Variants in CMKLR1 observed in about 807,000 individuals in gnomAD.
CMKLR1 encodes chemerin-like receptor 1.
In CMKLR1, 6 loss-of-function variants were observed where a neutral mutation model predicts 8.2. That is an observed-to-expected ratio of 0.73 (90% CI 0.40 to 1.44). The LOEUF is 1.44. Ranked by LOEUF, CMKLR1 falls within the 40% of genes most tolerant of loss-of-function variation. The pLI, the probability that CMKLR1 is intolerant of heterozygous loss-of-function variation, is 0.02. For missense variants in CMKLR1, 429 were observed against 478.0 expected (o/e 0.90, Z 0.96); for synonymous variants, 178 against 181.2 (o/e 0.98, Z 0.14).
intron 1 of CMKLR1, among the ~76,000 whole-genome samples, chr12:108,334,103 C>G (rs1475113010): frequency 6.6e-6 from 1 of 152,282 alleles, no homozygotes; most frequent in Non-Finnish European, 1.5e-5. Flanking sequence ...CGTAACCAAT[C>G]AGGGCCTCAC....
chr12:108,299,662 G>A lies in CMKLR1; in HGVS notation c.-73-5998C>T, dbSNP rs1891216793. Among the ~76,000 whole-genome samples, 3 of 152,140 alleles carry A rather than the reference G, an allele frequency of 2.0e-5. No homozygotes were observed. In the South Asian group the frequency reaches 6.2e-4, roughly 32 times the overall value. ...TCACCGTATAAGAGGAAAAGCAGGG[G>A]GAAGATTTCACATGGACACAGAACA... On this transcript the variant is annotated intron_variant, in intron 2 of 3. Coordinates refer to ENST00000550402, the MANE Select transcript of CMKLR1 (RefSeq NM_001142343.2).
chr12:108,333,321 T>C (rs540731951), intron 1 of CMKLR1, among the ~76,000 whole-genome samples: 1 of 152,164 alleles, frequency 6.6e-6, no homozygotes, highest in East Asian at 1.9e-4. Context: ...CTTCCAACAT[T>C]GCCAGAGACT....
chr12:108,294,059 G>A (rs748316723), intron 2 of CMKLR1, among the ~76,000 whole-genome samples: 1 of 152,256 alleles, frequency 6.6e-6, no homozygotes, highest in Non-Finnish European at 1.5e-5. Context: ...TTTAGGAAGT[G>A]TGAGCACAGA....
chr12:108,311,593 T>TCCA (rs762451834), intron 2 of CMKLR1, among the ~76,000 whole-genome samples: 6 of 152,170 alleles, frequency 3.9e-5, no homozygotes, highest in Admixed American at 6.6e-5. Context: ...ACCACTGCGC[T>TCCA]CCAGCCTGGG....
Position 108,336,362 on chromosome 12 carries a change from C to T in CMKLR1, c.-287+2665G>A, listed in dbSNP as rs191142294. Among the ~76,000 whole-genome samples, 463 of 152,100 alleles carry T rather than the reference C, an allele frequency of 3.0e-3. 1 individual carries two copies. The highest frequency in any genetic ancestry group is 4.5e-3 in the Non-Finnish European group (308 of 68,002). ...GAGATTGAGACCATCCTGGCTAATA[C>T]GGTGAAACCCCGTCTCTACTAAAAA... On this transcript the variant is annotated intron_variant, in intron 1 of 3. Transcript: ENST00000550402.
At chr12:108,325,715 C>G (rs10861892) in intron 2 of CMKLR1, among the ~76,000 whole-genome samples, 1 of 152,112 alleles carries the variant, frequency 6.6e-6, no homozygotes, top group African/African-American at 2.4e-5. Flanking sequence ...GCCAAGCCAC[C>G]GAATTCCAGA....
intron 2 of CMKLR1, among the ~76,000 whole-genome samples, chr12:108,312,303 T>C (rs538723537): frequency 7.4e-4 from 112 of 152,336 alleles, no homozygotes; most frequent in African/African-American, 2.5e-3. Context: ...TTTCCAAGCA[T>C]CGTGGATGGG....
At position 108,302,461 on chromosome 12, in the gene CMKLR1, G is replaced by A. The variant is rs534973416; in HGVS notation, c.-73-8797C>T. 1.1e-4 allele frequency among the ~76,000 whole-genome samples: 16 copies of A among 152,362 alleles called. No homozygotes were observed. In the South Asian group the frequency reaches 3.3e-3, roughly 32 times the overall value. On this transcript the variant is annotated intron_variant, in intron 2 of 3. Transcript: ENST00000550402. ...CTGGCAAAAGTGATTTATTAAGGAA[G>A]CATTTCAGGAAAAACTGGTGAGGGA...
chr12:108,326,395 T>C (rs768473630), intron 2 of CMKLR1, among the ~76,000 whole-genome samples: 2 of 152,238 alleles, frequency 1.3e-5, no homozygotes, highest in Non-Finnish European at 1.5e-5. Flanking sequence ...TCCAGCAAGC[T>C]ATCATCAGTT....
In CMKLR1 at chr12:108,289,186, C is replaced by G. The variant is rs1311311619; in HGVS notation, c.*2655G>C. The G allele has an allele frequency of 6.6e-6, 1 of 152,354 alleles. No homozygotes were observed. Among genetic ancestry groups the G allele is most frequent in the African/African-American group, 2.4e-5 (1 of 41,444 alleles). 9.4% of individuals were successfully genotyped at this position (152,354 alleles called of 1,614,324 possible). On this transcript the variant is annotated 3_prime_UTR_variant, in exon 4 of 4. Coordinates refer to ENST00000550402, the MANE Select transcript of CMKLR1 (RefSeq NM_001142343.2). ...ACGATCCCTCAGCTCCCCCACCCCA[C>G]CCAGGAGGCAGGGCTAAGTAAGGCC... is the stretch of plus-strand genomic sequence containing the variant.
intron 2 of CMKLR1, among the ~76,000 whole-genome samples, chr12:108,299,304 T>G (rs1211904984): frequency 6.6e-6 from 1 of 152,200 alleles, no homozygotes; most frequent in Non-Finnish European, 1.5e-5. Flanking sequence ...CAACTGAAAC[T>G]TCTCTTGACC....
intron 1 of CMKLR1, among the ~76,000 whole-genome samples, chr12:108,336,074 A>C (rs1214630584): frequency 2.0e-5 from 3 of 152,246 alleles, no homozygotes; most frequent in Non-Finnish European, 4.4e-5. Flanking sequence ...CTTATTGTGC[A>C]GCAAAGAACC....
intron 2 of CMKLR1, among the ~76,000 whole-genome samples, chr12:108,310,754 T>C (rs1004750000): frequency 1.3e-5 from 2 of 152,110 alleles, no homozygotes; most frequent in Admixed American, 6.5e-5. Flanking sequence ...CCGGAGTCCA[T>C]GATGCCACAG....
At chr12:108,316,381 C>T (rs1160663016) in intron 2 of CMKLR1, among the ~76,000 whole-genome samples, 1 of 151,914 alleles carries the variant, frequency 6.6e-6, no homozygotes, top group African/African-American at 2.4e-5. Context: ...ACCTCCTCAA[C>T]GTAGACAGAA....
intron 3 of CMKLR1, 94 bp downstream of exon 3, chr12:108,293,495 A>T: frequency 7.2e-7 from 1 of 1,381,972 alleles, no homozygotes; most frequent in Non-Finnish European, 1.0e-6. Context: ...TGCTTCTAAA[A>T]CCAAGTGGAC....
At chr12:108,299,451 G>A (rs775675046) in intron 2 of CMKLR1, among the ~76,000 whole-genome samples, 18 of 152,094 alleles carry the variant, frequency 1.2e-4, no homozygotes, top group Non-Finnish European at 2.6e-4. Context: ...TTTCTAGGAA[G>A]CATCCCCTCT....
chr12:108,304,374 C>T (rs1891353486), intron 2 of CMKLR1, among the ~76,000 whole-genome samples: 1 of 152,210 alleles, frequency 6.6e-6, no homozygotes, highest in Non-Finnish European at 1.5e-5. Context: ...GCTCAGTGTA[C>T]AGCAGGGCCG....
At position 108,291,820 on chromosome 12, in the gene CMKLR1, T is replaced by A. The variant is rs1166659062; in HGVS notation, c.*21A>T. On this transcript the variant is annotated 3_prime_UTR_variant, in exon 4 of 4. Coordinates refer to ENST00000550402, the MANE Select transcript of CMKLR1 (RefSeq NM_001142343.2). ...GTGTCCCTGGGTTGAGAGAGTCCAT[T>A]GAGGGGTTCCACAGTGAGGATCAAA... 6 of 1,596,666 alleles carry A rather than the reference T, an allele frequency of 3.8e-6. No individual in the cohort carries two copies. In the Admixed American group the frequency reaches 1.0e-4, roughly 27 times the overall value.
At chr12:108,338,028 C>T (rs1303043011) in intron 1 of CMKLR1, among the ~76,000 whole-genome samples, 1 of 152,180 alleles carries the variant, frequency 6.6e-6, no homozygotes, top group Non-Finnish European at 1.5e-5. Context: ...AGAACCTGGA[C>T]GTTCAGGCGT....
Sources: allele counts gnomAD v4.1 joint callset (sites outside exome capture counted in the v4.1 genomes callset), GRCh38; gene constraint gnomAD v4.1.1; transcripts MANE v1.5; gene names NCBI Gene and HGNC (gene_info 2026-07-23, HGNC 2026-07-21).